Variants in PTPRD observed in about 807,000 individuals in gnomAD.
PTPRD encodes protein tyrosine phosphatase receptor type D, also known as receptor-type tyrosine-protein phosphatase delta.
Under a neutral mutation model 214.5 loss-of-function variants are expected in PTPRD, and 34 were observed. The observed-to-expected ratio is 0.16, with a 90% confidence interval of 0.12 to 0.21. The LOEUF (loss-of-function observed/expected upper bound fraction) is 0.21, where lower values mean the gene tolerates loss of function less well. Ranked by LOEUF, PTPRD falls within the 10% of genes least tolerant of loss-of-function variation. The pLI, the probability that PTPRD is intolerant of heterozygous loss-of-function variation, is 1.00. For missense variants in PTPRD, 2,545 were observed against 2,398.7 expected (o/e 1.06, Z -1.27); for synonymous variants, 1,128 against 845.7 (o/e 1.33, Z -5.79).
At chr9:8,686,144 A>G (rs2097676793) in intron 12 of PTPRD, among the ~76,000 whole-genome samples, 1 of 152,242 alleles carries the variant, frequency 6.6e-6, no homozygotes, top group Admixed American at 6.5e-5. Context: ...AGCGTACAAT[A>G]TGACTCAATT....
At chr9:8,621,564 T>C (rs1385906866) in intron 14 of PTPRD, among the ~76,000 whole-genome samples, 2 of 151,910 alleles carry the variant, frequency 1.3e-5, no homozygotes, top group Non-Finnish European at 2.9e-5. Context: ...TCCTTGAGAA[T>C]AATCATTTAA....
chr9:8,754,248 G>C (rs1021776425), intron 11 of PTPRD, among the ~76,000 whole-genome samples: 3 of 152,098 alleles, frequency 2.0e-5, no homozygotes, highest in African/African-American at 7.2e-5. Flanking sequence ...TTGTGAAATA[G>C]AAAAACTAAT....
chr9:9,601,790 TA>T (rs2154338041), intron 7 of PTPRD, among the ~76,000 whole-genome samples: 1 of 152,120 alleles, frequency 6.6e-6, no homozygotes, highest in East Asian at 1.9e-4. Flanking sequence ...GAGCAGACCA[TA>T]AACACTAAAT....
intron 42 of PTPRD, 83 bp downstream of exon 42, chr9:8,340,260 G>A (rs1851248254): frequency 1.4e-6 from 2 of 1,441,310 alleles, no homozygotes; most frequent in East Asian, 2.3e-5. Context: ...AAATGATCTA[G>A]CACAAGAGTT....
chr9:8,423,571 T>A (rs2094490081), intron 35 of PTPRD, among the ~76,000 whole-genome samples: 1 of 152,208 alleles, frequency 6.6e-6, no homozygotes. Context: ...TCATAATTTA[T>A]TGTGGTGAGC....
At position 9,491,215 on chromosome 9, in the gene PTPRD, T is replaced by C. The variant is rs968811559; in HGVS notation, c.-237+83517A>G. Among the ~76,000 whole-genome samples, 7 of 151,982 alleles carry C rather than the reference T, an allele frequency of 4.6e-5. No homozygotes were observed. The South Asian group carries it at 6.2e-4, about 13-fold the overall frequency. On this transcript the variant is annotated intron_variant, in intron 8 of 45. Coordinates refer to ENST00000381196, the MANE Select transcript of PTPRD (RefSeq NM_002839.4). Reference sequence around the variant, plus strand: ...TTTACAAGAGTCAAAGAAAAATACATTGTATATTAAAAATTTCAATACAGC... The same window carrying C: ...TTTACAAGAGTCAAAGAAAAATACACTGTATATTAAAAATTTCAATACAGC...
chr9:9,939,233 A>C (rs1165191495), intron 4 of PTPRD, among the ~76,000 whole-genome samples: 1 of 152,192 alleles, frequency 6.6e-6, no homozygotes, highest in African/African-American at 2.4e-5. Context: ...ACCATAGAGC[A>C]GGGCTCCTGT....
At chr9:9,074,168 G>C (rs2099747707) in intron 10 of PTPRD, among the ~76,000 whole-genome samples, 1 of 152,104 alleles carries the variant, frequency 6.6e-6, no homozygotes, top group Non-Finnish European at 1.5e-5. Context: ...CACTTATTTT[G>C]ACAGTGAAAT....
At chr9:9,738,863 G>C (rs2098349279) in intron 6 of PTPRD, among the ~76,000 whole-genome samples, 1 of 151,776 alleles carries the variant, frequency 6.6e-6, no homozygotes, top group Admixed American at 6.6e-5. Context: ...TCACTCTATG[G>C]TATTATTTTA....
At chr9:10,186,101 T>C (rs2099329117) in intron 3 of PTPRD, among the ~76,000 whole-genome samples, 1 of 150,346 alleles carries the variant, frequency 6.7e-6, no homozygotes. Context: ...TTTTTTTTTA[T>C]TGAGGGCAGT....
rs558062928 is a variant in PTPRD, at chr9:8,588,646, C to T, written c.352+44671G>A. Reference sequence around the variant, plus strand: ...ATATTTTCATTTTCTTCCTAGAACTCACAGGCATGTGTACACCTGTGCATA... The same window carrying T: ...ATATTTTCATTTTCTTCCTAGAACTTACAGGCATGTGTACACCTGTGCATA... On this transcript the variant is annotated intron_variant, in intron 14 of 45. Coordinates refer to ENST00000381196, the MANE Select transcript of PTPRD (RefSeq NM_002839.4). Among the ~76,000 whole-genome samples the T allele has an allele frequency of 2.3e-4, 35 of 152,182 alleles. No homozygotes were observed. In the South Asian group the frequency reaches 3.3e-3, roughly 14 times the overall value.
At chr9:10,478,986 GT>G (rs1354461316) in intron 2 of PTPRD, among the ~76,000 whole-genome samples, 4 of 151,912 alleles carry the variant, frequency 2.6e-5, no homozygotes, top group Admixed American at 2.0e-4. Flanking sequence ...TGAATAAAAA[GT>G]TTTTTAAAAG....
intron 3 of PTPRD, among the ~76,000 whole-genome samples, chr9:10,154,223 G>C (rs868649492): frequency 1.3e-5 from 2 of 152,134 alleles, no homozygotes; most frequent in East Asian, 1.9e-4. Flanking sequence ...CTAATAATCA[G>C]TGATGCTGAG....
intron 10 of PTPRD, among the ~76,000 whole-genome samples, chr9:9,094,576 C>G (rs1429722055): frequency 6.6e-6 from 1 of 152,048 alleles, no homozygotes; most frequent in Non-Finnish European, 1.5e-5. Flanking sequence ...GTACAGTGTA[C>G]ACTGCTCAGG....
intron 7 of PTPRD, among the ~76,000 whole-genome samples, chr9:9,714,019 G>A (rs2097777658): frequency 6.8e-6 from 1 of 148,140 alleles, no homozygotes; most frequent in South Asian, 2.1e-4. Context: ...TGGACCCAGT[G>A]TAGCTTATGC....
intron 10 of PTPRD, among the ~76,000 whole-genome samples, chr9:9,033,347 C>G (rs1460255302): frequency 6.6e-6 from 1 of 152,030 alleles, no homozygotes; most frequent in Non-Finnish European, 1.5e-5. Flanking sequence ...GCTGACTTGC[C>G]CAAGACATGA....
chr9:10,453,510 C>A (rs1375917700), intron 2 of PTPRD, among the ~76,000 whole-genome samples: 1 of 151,430 alleles, frequency 6.6e-6, no homozygotes, highest in Non-Finnish European at 1.5e-5. Flanking sequence ...TTTTCAGTGT[C>A]CTTCATCTCC....
chr9:10,183,167 T>A (rs2099310501), intron 3 of PTPRD, among the ~76,000 whole-genome samples: 1 of 152,154 alleles, frequency 6.6e-6, no homozygotes, highest in Non-Finnish European at 1.5e-5. Flanking sequence ...TTAAAGGAAG[T>A]GTTTGCCATT....
intron 5 of PTPRD, among the ~76,000 whole-genome samples, chr9:9,898,290 T>C (rs1003936679): frequency 2.0e-5 from 3 of 152,074 alleles, no homozygotes; most frequent in Non-Finnish European, 4.4e-5. Context: ...CTGGAGGTAG[T>C]GAATTCCTTA....
Sources: allele counts gnomAD v4.1 joint callset (sites outside exome capture counted in the v4.1 genomes callset), GRCh38; gene constraint gnomAD v4.1.1; transcripts MANE v1.5; gene names NCBI Gene and HGNC (gene_info 2026-07-23, HGNC 2026-07-21).